The following CHD3 variants were observed in gnomAD, a reference collection of about 807,000 sequenced individuals.
CHD3 encodes the protein ATP-dependent chromatin remodeler CHD3.
In CHD3, 52 loss-of-function variants were observed where a neutral mutation model predicts 248.9. The ratio of observed to expected loss-of-function variants is 0.21; its 90% CI spans 0.17 to 0.26. CHD3 has a LOEUF of 0.26. CHD3 is among the 10% of genes least tolerant of loss of function. The probability of loss-of-function intolerance (pLI) is 1.00; values close to 1 mark genes in which losing one functional copy is unlikely to be tolerated. For missense variants in CHD3, 1,482 were observed against 2,605.8 expected (o/e 0.57, Z 9.39); for synonymous variants, 985 against 985.2 (o/e 1.00, Z 0.00).
chr17:7,903,970 C>T lies in CHD3; in HGVS notation c.3873C>T (p.Tyr1291=), dbSNP rs774748581. The change falls in exon 24 of 40, where the codon TAC becomes TAT. Residue 1291 remains tyrosine (Y), a synonymous_variant. Transcript: ENST00000330494. This position sits in a 1 kb window ranked among gnomAD's most constrained non-coding sequence, Gnocchi z 6.8. ...EYLSSFKVAQ[Y]VVREEDKIEE... ...TCAGCTCCTTCAAGGTGGCACAGTA[C>T]GTCGTGCGGGAAGAAGACAAGGTGA... The T allele has an allele frequency of 3.0e-5, 49 of 1,613,926 alleles. 1 individual carries two copies. Among genetic ancestry groups the T allele is most frequent in the Non-Finnish European group, 3.9e-5 (46 of 1,179,932 alleles).
At chr17:7,885,412 G>A (rs1218160187), upstream of CHD3, among the ~76,000 whole-genome samples, 2 of 150,184 alleles carry the variant, frequency 1.3e-5, no homozygotes, top group African/African-American at 4.9e-5. Flanking sequence ...GCGGCTTTCG[G>A]GGGAGGAGGA....
chr17:7,892,002 A>G (rs1246324632), intron 4 of CHD3, among the ~76,000 whole-genome samples: 3 of 152,170 alleles, frequency 2.0e-5, no homozygotes, highest in African/African-American at 4.8e-5. Context: ...AACTTCTTCA[A>G]TCCTCAATTT....
chr17:7,890,691 G>A lies in CHD3; in HGVS notation c.334G>A (p.Glu112Lys). The A allele has an allele frequency of 1.3e-6, 2 of 1,596,560 alleles. No individual in the cohort carries two copies. The highest frequency in any genetic ancestry group is 8.5e-7 in the Non-Finnish European group (1 of 1,172,074). ...KRRRKHREKK[E>K]KKTKRRKKGE... The stretch of plus-strand genomic sequence containing the variant: ...AAGAAGGAAGCACCGAGAAAAAAAG[G>A]AGAAGAAGACAAAGCGGCGGAAAAA... Residue 112 changes from glutamate to lysine, a missense_variant, in exon 3 of 40, where the codon GAG becomes AAG. Physicochemically the swap from Glu to Lys is moderately conservative, Grantham distance 56 (BLOSUM62 1). Transcript: ENST00000330494.
chr17:7,899,778 T>C lies in CHD3; in HGVS notation c.2545-118T>C. The C allele has an allele frequency of 7.6e-7, 1 of 1,316,074 alleles. No individual in the cohort carries two copies. Among genetic ancestry groups the C allele is most frequent in the Non-Finnish European group, 1.1e-6 (1 of 941,900 alleles). 81.5% of individuals were successfully genotyped at this position (1,316,074 alleles called of 1,614,324 possible). The stretch of plus-strand genomic sequence containing the variant: ...GGAGCCATGGTCTGTAATCCCTGCT[T>C]GGAGAACAGAGTAATGGCTCCTGTT... On this transcript the variant is annotated intron_variant, in intron 15 of 39. Coordinates refer to ENST00000330494, the MANE Select transcript of CHD3 (RefSeq NM_001005273.3). This position sits in a 1 kb window ranked among gnomAD's most constrained non-coding sequence, Gnocchi z 6.8.
intron 4 of CHD3, among the ~76,000 whole-genome samples, chr17:7,891,678 T>C (rs1006894824): frequency 2.0e-5 from 3 of 151,976 alleles, no homozygotes; most frequent in Admixed American, 1.3e-4. Flanking sequence ...CCATCCAACA[T>C]GGTGAAACCC....
chr17:7,901,134 T>G, intron 19 of CHD3, 110 bp from the exon 20 acceptor site: 3 of 1,517,414 alleles, frequency 2.0e-6, no homozygotes, highest in Non-Finnish European at 2.7e-6. Context: ...ACAGGAGGAA[T>G]TGGGAACATG....
rs549120809 is a variant in CHD3 at position 7,910,124 on chromosome 17, C to T, written c.5591-304C>T. On this transcript the variant is annotated intron_variant, in intron 37 of 39. Transcript: ENST00000330494. This position sits in a 1 kb window ranked among gnomAD's most constrained non-coding sequence, Gnocchi z 4.7. ...GACAACTCCCCGCCCCCATGTCTTC[C>T]AATGTCCCCCCATCTTCCTTTCCTC... is the stretch of plus-strand genomic sequence containing the variant. 2 of 382,848 alleles carry T rather than the reference C, an allele frequency of 5.2e-6. No homozygotes were observed. The highest frequency in any genetic ancestry group is 9.6e-6 in the Non-Finnish European group (2 of 208,336). The allele number at this position is 382,848 out of a possible 1,614,324, so 23.7% of individuals were successfully genotyped here.
chr17:7,903,355 A>T lies in CHD3; in HGVS notation c.3579A>T (p.Arg1193=), dbSNP rs901993326. 13 of 1,614,214 alleles carry T rather than the reference A, an allele frequency of 8.1e-6. No individual in the cohort carries two copies. Among genetic ancestry groups the T allele is most frequent in the African/African-American group, 1.3e-5 (1 of 75,042 alleles). The change falls in exon 23 of 40, where the codon CGA becomes CGT. Residue 1193 remains arginine (R), a synonymous_variant. Coordinates refer to ENST00000330494, the MANE Select transcript of CHD3 (RefSeq NM_001005273.3). This position sits in a 1 kb window ranked among gnomAD's most constrained non-coding sequence, Gnocchi z 6.8. ...RFVTRASVEE[R]ITQVAKRKMM... Reference sequence around the variant, plus strand: ...TGACTCGCGCGTCAGTGGAAGAGCGAATCACACAAGTGGCCAAGAGAAAGA... The same window carrying T: ...TGACTCGCGCGTCAGTGGAAGAGCGTATCACACAAGTGGCCAAGAGAAAGA...
Position 7,899,299 on chromosome 17 carries a change from G to T in CHD3, c.2344-44G>T. ...TAGCTGGCAGAGGACTAGGGTATAC[G>T]GCCTCTAGCCTAGACTTATGCTGCC... On this transcript the variant is annotated intron_variant, in intron 14 of 39. Coordinates refer to ENST00000330494, the MANE Select transcript of CHD3 (RefSeq NM_001005273.3). This position sits in a 1 kb window ranked among gnomAD's most constrained non-coding sequence, Gnocchi z 6.8. The T allele has an allele frequency of 6.2e-7, 1 of 1,607,918 alleles. No homozygotes were observed. The highest frequency in any genetic ancestry group is 8.5e-7 in the Non-Finnish European group (1 of 1,174,650).
rs909630886 is a variant in CHD3, at chr17:7,889,009, G to A, written c.9G>A (p.Ala3=). 1.9e-6 allele frequency: 3 copies of A among 1,614,092 alleles called. No homozygotes were observed. Among genetic ancestry groups the A allele is most frequent in the Non-Finnish European group, 2.5e-6 (3 of 1,180,038 alleles). Residue 3 remains alanine (A), a synonymous_variant, in exon 1 of 40, where the codon GCG becomes GCA. Transcript: ENST00000330494. This position sits in a 1 kb window ranked among gnomAD's most constrained non-coding sequence, Gnocchi z 4.5. Reference sequence around the variant, plus strand: ...AGACTTTCTCCTGTGTGATGAAGGCGGCAGACACTGTGATCCTGTGGGCAA... The same window carrying A: ...AGACTTTCTCCTGTGTGATGAAGGCAGCAGACACTGTGATCCTGTGGGCAA... MK[A]ADTVILWARS...
intron 4 of CHD3, among the ~76,000 whole-genome samples, chr17:7,892,479 G>T (rs1043909932): frequency 4.7e-5 from 7 of 148,858 alleles, no homozygotes; most frequent in Admixed American, 3.4e-4. Context: ...GTTTTATTTC[G>T]CTGTTTTTTA....
chr17:7,907,209 G>A lies in CHD3; in HGVS notation c.4750G>A (p.Glu1584Lys). ...AGCTGAAAACCAGGAGGAAAAGCCAGAGAAGAACAGCAGAATTGGGGAGAA... is the reference window on the plus strand; with the variant it reads ...AGCTGAAAACCAGGAGGAAAAGCCAAAGAAGAACAGCAGAATTGGGGAGAA... The part of the protein sequence containing the change: ...EEAENQEEKP[E>K]KNSRIGEKME... Residue 1584 changes from glutamate to lysine, a missense_variant, in exon 31 of 40, where the codon GAG (glutamate) becomes AAG (lysine). Glu to Lys is a moderately conservative substitution (Grantham distance 56). Around this residue, in one of 20 missense-constraint regions of CHD3, gnomAD observed 254 missense variants for 266.7 expected, o/e 0.95. Transcript: ENST00000330494. This position sits in a 1 kb window ranked among gnomAD's most constrained non-coding sequence, Gnocchi z 4.3. The A allele has an allele frequency of 6.2e-7, 1 of 1,614,250 alleles. No individual in the cohort carries two copies. Among genetic ancestry groups the A allele is most frequent in the Non-Finnish European group, 8.5e-7 (1 of 1,180,028 alleles).
Position 7,910,854 on chromosome 17 carries a change from C to A in CHD3, c.5762C>A (p.Pro1921Gln). ...GTEPHPTPAY[P>Q]PGPYATPPGY... ...GCTTCCTCTCTGTTCCAGGCCTACC[C>A]GCCGGGTCCCTACGCTACACCTCCG... The change falls in exon 39 of 40, where the codon CCG becomes CAG. Residue 1921 changes from proline (P) to glutamine (Q), a missense_variant. Coordinates refer to ENST00000330494, the MANE Select transcript of CHD3 (RefSeq NM_001005273.3). The surrounding 1 kb of genome is among the most constrained non-coding windows in gnomAD (Gnocchi z 4.7). The A allele has an allele frequency of 3.7e-6, 6 of 1,602,114 alleles. No homozygotes were observed. Among genetic ancestry groups the A allele is most frequent in the Non-Finnish European group, 5.1e-6 (6 of 1,176,034 alleles).
chr17:7,884,933 G>C (rs776877158), upstream of CHD3: 1 of 1,399,988 alleles, frequency 7.1e-7, no homozygotes, highest in Non-Finnish European at 9.4e-7. Flanking sequence ...CGACGAGGAC[G>C]ATGAGGAGGA....
At chr17:7,892,809 T>G (rs1168441935) in intron 4 of CHD3, among the ~76,000 whole-genome samples, 2 of 152,176 alleles carry the variant, frequency 1.3e-5, no homozygotes, top group African/African-American at 4.8e-5. Flanking sequence ...TCCCTTTTTT[T>G]AAAGACAGGG....
chr17:7,909,008 C>A lies in CHD3; in HGVS notation c.5395-135C>A. 1 of 1,403,094 alleles carries A rather than the reference C, an allele frequency of 7.1e-7. No homozygotes were observed. The highest frequency in any genetic ancestry group is 1.3e-5 in the South Asian group (1 of 74,734). 86.9% of individuals were successfully genotyped at this position (1,403,094 alleles called of 1,614,324 possible). Reference sequence around the variant, plus strand: ...TCTGGGTCAGGGTTGCTGCTAGGTTCGCAGTCGGTTTGGAGCTGGGAGTGC... The same window carrying A: ...TCTGGGTCAGGGTTGCTGCTAGGTTAGCAGTCGGTTTGGAGCTGGGAGTGC... On this transcript the variant is annotated intron_variant, in intron 36 of 39. Transcript: ENST00000330494. The surrounding 1 kb of genome is among the most constrained non-coding windows in gnomAD (Gnocchi z 8.1).
In CHD3 at chr17:7,890,733, G is replaced by C. The variant is rs1250977332; in HGVS notation, c.376G>C (p.Gly126Arg). The C allele has an allele frequency of 6.7e-7, 1 of 1,488,910 alleles. No individual in the cohort carries two copies. 92.2% of individuals were successfully genotyped at this position (1,488,910 alleles called of 1,614,324 possible). ...GCGGAAAAAGGGGGAGGGAGATGGG[G>C]GGCAAAAGGTGAGTAGAATTAGGGA... ...KRRKKGEGDG[G>R]QKQVEQKSSA... The change falls in exon 3 of 40, where the codon GGG (glycine) becomes CGG (arginine). Residue 126 changes from glycine to arginine, a missense_variant. Transcript: ENST00000330494.
At chr17:7,901,541 G>A (rs1027009370) in intron 20 of CHD3, among the ~76,000 whole-genome samples, 166 bp downstream of exon 20, 37 of 126,582 alleles carry the variant, frequency 2.9e-4, no homozygotes, top group African/African-American at 1.0e-3. Flanking sequence ...ACAGAGTTTC[G>A]CTCTTATTGC....
upstream of CHD3, chr17:7,884,838 A>T: frequency 9.9e-7 from 1 of 1,014,542 alleles, no homozygotes. Flanking sequence ...GAGGAGGAGG[A>T]GGAGGAGGAG....
Sources: allele counts gnomAD v4.1 joint callset (sites outside exome capture counted in the v4.1 genomes callset), GRCh38; gene constraint gnomAD v4.1.1; regional missense constraint gnomAD v4.1.1; non-coding constraint Gnocchi (gnomAD v3.1); transcripts MANE v1.5; gene names NCBI Gene and HGNC (gene_info 2026-07-23, HGNC 2026-07-21).